DAAM2: variants seen among roughly 807,000 people sequenced by gnomAD.
DAAM2 encodes the protein dishevelled associated activator of morphogenesis 2, also known as disheveled-associated activator of morphogenesis 2.
DAAM2 carries 39 observed loss-of-function variants against 120.7 expected under a neutral mutation model. The ratio of observed to expected loss-of-function variants is 0.32; its 90% CI spans 0.25 to 0.42. The LOEUF (loss-of-function observed/expected upper bound fraction) is 0.42, where lower values mean the gene tolerates loss of function less well. Ranked by LOEUF, DAAM2 falls within the 10% of genes least tolerant of loss-of-function variation. DAAM2 has a pLI of 1.00. For missense variants in DAAM2, 1,283 were observed against 1,401.7 expected (o/e 0.92, Z 1.35); for synonymous variants, 488 against 524.9 (o/e 0.93, Z 0.96).
chr6:39,852,035 T>C (rs1424284721), intron 1 of DAAM2, among the ~76,000 whole-genome samples: 1 of 152,190 alleles, frequency 6.6e-6, no homozygotes, highest in Non-Finnish European at 1.5e-5. Context: ...TGGTCTGTGC[T>C]TGGGGACTAA....
chr6:39,858,814 T>C (rs1004439373), intron 2 of DAAM2, among the ~76,000 whole-genome samples: 14 of 151,994 alleles, frequency 9.2e-5, no homozygotes, highest in Non-Finnish European at 7.4e-5. Context: ...AACTGAGTCC[T>C]GGGGAACAGG....
At chr6:39,890,520 TACAGCATGAGTTC>T (rs1474517936) in intron 17 of DAAM2, among the ~76,000 whole-genome samples, 2 of 152,150 alleles carry the variant, frequency 1.3e-5, no homozygotes, top group Non-Finnish European at 2.9e-5. Flanking sequence ...AAAGAGAGCA[TACAGCATGAGTTC>T]AAGGACAGGC....
At chr6:39,828,751 C>G (rs752095240) in intron 1 of DAAM2, among the ~76,000 whole-genome samples, 1 of 151,894 alleles carries the variant, frequency 6.6e-6, no homozygotes, top group East Asian at 1.9e-4. Flanking sequence ...TTGGTAGAGA[C>G]GGGGTTTCAC....
chr6:39,891,777 G>A (rs979129923), intron 19 of DAAM2, 55 bp downstream of exon 19: 31 of 1,448,956 alleles, frequency 2.1e-5, no homozygotes, highest in African/African-American at 1.3e-4. Context: ...AGAAAGGCAG[G>A]GTGGGTGGGA....
At chr6:39,815,651 TACACACACACACAC>T (rs56736428) in intron 1 of DAAM2, among the ~76,000 whole-genome samples, 34 of 149,076 alleles carry the variant, frequency 2.3e-4, no homozygotes, top group Admixed American at 4.0e-4. Context: ...ACCCCTGGTT[TACACACACACACAC>T]ACACACACAC....
chr6:39,829,213 G>A (rs377061196), intron 1 of DAAM2, among the ~76,000 whole-genome samples: 2 of 152,214 alleles, frequency 1.3e-5, no homozygotes, highest in East Asian at 1.9e-4. Flanking sequence ...CCTGGGGAGC[G>A]GGCTGTGTGT....
At chr6:39,830,976 G>T (rs1762861757) in intron 1 of DAAM2, among the ~76,000 whole-genome samples, 1 of 152,176 alleles carries the variant, frequency 6.6e-6, no homozygotes, top group South Asian at 2.1e-4. Flanking sequence ...TACAAATGTT[G>T]CCTCATTTAA....
intron 17 of DAAM2, among the ~76,000 whole-genome samples, chr6:39,889,321 G>A (rs1765558316): frequency 6.6e-6 from 1 of 152,100 alleles, no homozygotes; most frequent in Admixed American, 6.5e-5. Context: ...AATATGAAAA[G>A]GTGTTCAATA....
intron 15 of DAAM2, 101 bp downstream of exon 15, chr6:39,884,170 C>T: frequency 1.5e-6 from 1 of 655,252 alleles, no homozygotes; most frequent in Non-Finnish European, 2.8e-6. Flanking sequence ...CCTTTCCTTT[C>T]CTTCCTTCCC....
intron 14 of DAAM2, among the ~76,000 whole-genome samples, chr6:39,881,196 C>T (rs1459349719): frequency 6.6e-5 from 10 of 151,922 alleles, no homozygotes; most frequent in African/African-American, 9.7e-5. Flanking sequence ...TACAGATTGC[C>T]CAGGGGCCCA....
intron 1 of DAAM2, among the ~76,000 whole-genome samples, chr6:39,839,033 T>C (rs567698061): frequency 5.9e-4 from 89 of 152,016 alleles, no homozygotes; most frequent in African/African-American, 7.7e-4. Context: ...GTCCCCCCTC[T>C]CTCTCCTCCC....
At chr6:39,881,391 C>T (rs1294896425) in intron 14 of DAAM2, among the ~76,000 whole-genome samples, 1 of 152,212 alleles carries the variant, frequency 6.6e-6, no homozygotes, top group Non-Finnish European at 1.5e-5. Context: ...CTTCAGGTTC[C>T]TTATCTGTAA....
intron 1 of DAAM2, among the ~76,000 whole-genome samples, chr6:39,810,861 A>G (rs1014750848): frequency 1.4e-4 from 22 of 152,104 alleles, no homozygotes; most frequent in African/African-American, 5.1e-4. Context: ...CTCTGCTTCT[A>G]GCGAACCCAA....
chr6:39,873,647 C>T (rs1335336581), intron 10 of DAAM2, among the ~76,000 whole-genome samples: 2 of 152,248 alleles, frequency 1.3e-5, no homozygotes, highest in African/African-American at 2.4e-5. Flanking sequence ...GCTCAGCTTT[C>T]AGCTCATGAC....
intron 1 of DAAM2, chr6:39,793,046 CT>C (rs1428472337): frequency 1.3e-5 from 2 of 152,246 alleles, no homozygotes; most frequent in African/African-American, 4.8e-5. Flanking sequence ...CTCTGGGGCT[CT>C]CAGCACCTGC....
At chr6:39,887,438 G>A (rs750837135) in intron 15 of DAAM2, 48 bp from the exon 16 acceptor site, 26 of 1,423,654 alleles carry the variant, frequency 1.8e-5, no homozygotes, top group Non-Finnish European at 2.5e-5. Context: ...GTAAGAGGAG[G>A]ATTAGGGAAC....
intron 1 of DAAM2, among the ~76,000 whole-genome samples, chr6:39,799,550 C>T (rs1158342716): frequency 6.6e-6 from 1 of 152,046 alleles, no homozygotes; most frequent in Non-Finnish European, 1.5e-5. Flanking sequence ...AAGGGGAGGG[C>T]ACAGAAAACT....
chr6:39,827,222 G>A (rs1414239318), intron 1 of DAAM2, among the ~76,000 whole-genome samples: 1 of 151,834 alleles, frequency 6.6e-6, no homozygotes, highest in Non-Finnish European at 1.5e-5. Flanking sequence ...GCATGAGTTT[G>A]CTGTGGGTCC....
intron 1 of DAAM2, among the ~76,000 whole-genome samples, chr6:39,800,090 G>T (rs964925067): frequency 6.6e-6 from 1 of 152,026 alleles, no homozygotes; most frequent in African/African-American, 2.4e-5. Flanking sequence ...TACATATTTG[G>T]GATCACATTG....
Sources: allele counts gnomAD v4.1 joint callset (sites outside exome capture counted in the v4.1 genomes callset), GRCh38; gene constraint gnomAD v4.1.1; transcripts MANE v1.5; gene names NCBI Gene and HGNC (gene_info 2026-07-23, HGNC 2026-07-21).